The following EPCAM variants were observed in gnomAD, a reference collection of about 807,000 sequenced individuals.
EPCAM encodes the protein adenocarcinoma-associated antigen.
Under a neutral mutation model 40.0 loss-of-function variants are expected in EPCAM, and 39 were observed. That is an observed-to-expected ratio of 0.98 (90% CI 0.76 to 1.27). The LOEUF is 1.27. EPCAM is among the 50% of genes most tolerant of loss of function. The pLI, the probability that EPCAM is intolerant of heterozygous loss-of-function variation, is 0.00. For missense variants in EPCAM, 503 were observed against 381.2 expected, an observed-to-expected ratio of 1.32 and a Z score of -2.66; for synonymous variants, 168 against 132.3, an observed-to-expected ratio of 1.27 and a Z score of -1.85.
intron 1 of EPCAM, 162 bp downstream of exon 1, chr2:47,369,743 C>T: frequency 1.3e-6 from 1 of 797,970 alleles, no homozygotes; most frequent in Non-Finnish European, 2.2e-6. Context: ...CTCAGGCCCT[C>T]CGCGCGGTAG....
intron 1 of EPCAM, among the ~76,000 whole-genome samples, chr2:47,371,346 C>T (rs535861787): frequency 2.0e-5 from 3 of 150,752 alleles, no homozygotes; most frequent in African/African-American, 4.9e-5. Flanking sequence ...CTGCGTCCTC[C>T]ATTTCCCAGG....
chr2:47,372,933 C>T (rs535777795), intron 1 of EPCAM, among the ~76,000 whole-genome samples: 1 of 151,336 alleles, frequency 6.6e-6, no homozygotes, highest in South Asian at 2.1e-4. Context: ...AGGCCAGGCA[C>T]AGTGGCTCAT....
At chr2:47,371,289 CTCCGTCTGTCGT>C (rs1671258032) in intron 1 of EPCAM, among the ~76,000 whole-genome samples, 2 of 152,132 alleles carry the variant, frequency 1.3e-5, no homozygotes, top group African/African-American at 4.8e-5. Flanking sequence ...GAAACAGTGT[CTCCGTCTGTCGT>C]TCAGCCTGGA....
chr2:47,373,781 A>T (rs2103746837), intron 2 of EPCAM, 27 bp from the exon 3 acceptor site: 1 of 1,613,764 alleles, frequency 6.2e-7, no homozygotes, highest in Non-Finnish European at 8.5e-7. Flanking sequence ...GTTATTTTTC[A>T]GTTTGGCATT....
At position 47,379,745 on chromosome 2, in the gene EPCAM, TTCCTTTTC is replaced by T. The variant is rs765184472; in HGVS notation, c.658-15_658-8del. 3.0e-5 allele frequency: 48 copies of T among 1,610,812 alleles called. No homozygotes were observed. The highest frequency in any genetic ancestry group is 3.9e-5 in the Non-Finnish European group (46 of 1,178,936). On this transcript the variant is annotated splice_polypyrimidine_tract_variant and intron_variant, in intron 6 of 8. Coordinates refer to ENST00000263735, the MANE Select transcript of EPCAM (RefSeq NM_002354.3). The stretch of plus-strand genomic sequence containing the variant: ...GGTTGGTTTCCTTAAATATTTTTAA[TTCCTTTTC>T]TCCTTTTCAATACAGGTTAAAGGTG...
chr2:47,373,956 C>T lies in EPCAM; in HGVS notation c.333C>T (p.Asn111=), dbSNP rs533825372. The T allele has an allele frequency of 1.9e-5, 30 of 1,614,000 alleles. No individual in the cohort carries two copies. In the African/African-American group the frequency reaches 2.4e-4, roughly 13 times the overall value. Reference sequence around the variant, plus strand: ...GGCTCTTTAAGGCCAAGCAGTGCAACGGCACCTCCATGTGCTGGTGTGTGA... The same window carrying T: ...GGCTCTTTAAGGCCAAGCAGTGCAATGGCACCTCCATGTGCTGGTGTGTGA... ...ESGLFKAKQC[N]GTSMCWCVNT... is the part of the protein sequence containing the mutation. The change falls in exon 3 of 9, where the codon AAC becomes AAT. Residue 111 remains asparagine (N), a synonymous_variant. Transcript: ENST00000263735.
intron 4 of EPCAM, 38 bp from the exon 5 acceptor site, chr2:47,376,972 TACAA>T: frequency 7.5e-7 from 1 of 1,338,646 alleles, no homozygotes; most frequent in South Asian, 1.2e-5. Flanking sequence ...TGTTGTGTGG[TACAA>T]ACATTTTTTT....
At chr2:47,370,646 C>T (rs938480078) in intron 1 of EPCAM, among the ~76,000 whole-genome samples, 1 of 152,126 alleles carries the variant, frequency 6.6e-6, no homozygotes, top group Non-Finnish European at 1.5e-5. Context: ...GATCTTGACT[C>T]ATTGTAGACT....
At chr2:47,369,651 C>T (rs1029464211) in intron 1 of EPCAM, 70 bp downstream of exon 1, 7 of 1,452,626 alleles carry the variant, frequency 4.8e-6, no homozygotes, top group Non-Finnish European at 6.6e-6. Flanking sequence ...CGGCCCTCGG[C>T]CCCCGAAACG....
rs887794170 is a variant in EPCAM at position 47,383,775 on chromosome 2, C to T, written c.859-1391C>T. ...TCAGCTTCCCAAGTAGCTGGGACTACAGGCGTGCACCACCATACCTGGCTA... is the reference window on the plus strand; with the variant it reads ...TCAGCTTCCCAAGTAGCTGGGACTATAGGCGTGCACCACCATACCTGGCTA... On this transcript the variant is annotated intron_variant, in intron 7 of 8. Coordinates refer to ENST00000263735, the MANE Select transcript of EPCAM (RefSeq NM_002354.3). Among the ~76,000 whole-genome samples the T allele has an allele frequency of 1.4e-4, 21 of 150,972 alleles. No individual in the cohort carries two copies. The South Asian group carries it at 4.0e-3, about 29-fold the overall frequency.
intron 1 of EPCAM, among the ~76,000 whole-genome samples, chr2:47,370,825 C>T (rs1357306817): frequency 2.0e-5 from 3 of 152,024 alleles, no homozygotes; most frequent in South Asian, 2.1e-4. Context: ...AGGCGATTCT[C>T]CTGCCTCAGC....
At chr2:47,376,932 G>C in intron 4 of EPCAM, 82 bp from the exon 5 acceptor site, 1 of 900,344 alleles carries the variant, frequency 1.1e-6, no homozygotes, top group Non-Finnish European at 1.9e-6. Flanking sequence ...TAGACCCTGA[G>C]CTGTCTGCTT....
At chr2:47,380,116 G>C (rs1671550107) in intron 7 of EPCAM, 147 bp downstream of exon 7, 1 of 1,344,458 alleles carries the variant, frequency 7.4e-7, no homozygotes, top group Non-Finnish European at 1.0e-6. Context: ...AGGAGTTTGA[G>C]ACCACACTGG....
At position 47,376,996 on chromosome 2, in the gene EPCAM, A is replaced by G. The variant is rs762488504; in HGVS notation, c.492-18A>G. On this transcript the variant is annotated intron_variant, in intron 4 of 8. Transcript: ENST00000263735. ...GTACAAACATTTTTTTTTAATACAGATTTTAAATTCTTTACAGTGCACTTC... is the reference window on the plus strand; with the variant it reads ...GTACAAACATTTTTTTTTAATACAGGTTTTAAATTCTTTACAGTGCACTTC... The G allele has an allele frequency of 3.2e-6, 5 of 1,573,080 alleles. No individual in the cohort carries two copies. The highest frequency in any genetic ancestry group is 4.4e-6 in the Non-Finnish European group (5 of 1,142,826).
At chr2:47,386,150 G>GT (rs1190467369) in intron 8 of EPCAM, among the ~76,000 whole-genome samples, 1 of 152,172 alleles carries the variant, frequency 6.6e-6, no homozygotes, top group East Asian at 1.9e-4. Context: ...CAGAGTGGTA[G>GT]TTGTCATTAT....
At chr2:47,376,920 T>G in intron 4 of EPCAM, 94 bp from the exon 5 acceptor site, 1 of 821,724 alleles carries the variant, frequency 1.2e-6, no homozygotes, top group East Asian at 2.5e-5. Flanking sequence ...TAATGACAGT[T>G]TTAGACCCTG....
chr2:47,380,092 G>A, intron 7 of EPCAM, 123 bp downstream of exon 7: 1 of 1,484,986 alleles, frequency 6.7e-7, no homozygotes, highest in Non-Finnish European at 9.1e-7. Flanking sequence ...GAGACAGGTG[G>A]ATCACTTGAG....
At chr2:47,375,981 G>C (rs921387470) in intron 4 of EPCAM, among the ~76,000 whole-genome samples, 5 of 152,100 alleles carry the variant, frequency 3.3e-5, no homozygotes, top group South Asian at 2.1e-4. Context: ...TGCAATTACA[G>C]GTGTGAGCTT....
intron 1 of EPCAM, 99 bp from the exon 2 acceptor site, chr2:47,373,364 C>T (rs1671331555): frequency 1.2e-6 from 1 of 803,394 alleles, no homozygotes. Context: ...GGTTTTGTGT[C>T]CTTGTAACTT....
Sources: gnomAD v4.1 joint callset for allele counts (sites outside exome capture counted in the v4.1 genomes callset) on GRCh38, gnomAD v4.1.1 for gene constraint, MANE v1.5 for transcripts, NCBI Gene and HGNC (gene_info 2026-07-23, HGNC 2026-07-21) for gene names.